The following LRRC37A2 variants were observed in gnomAD, a reference collection of about 807,000 sequenced individuals.
LRRC37A2 encodes leucine-rich repeat-containing protein 37A2.
A neutral mutation model predicts 68.8 loss-of-function variants in LRRC37A2; 9 were observed. The ratio of observed to expected loss-of-function variants is 0.13; its 90% CI spans 0.08 to 0.23. The LOEUF is 0.23. Ranked by LOEUF, LRRC37A2 falls within the 10% of genes least tolerant of loss-of-function variation. The pLI is 1.00. For synonymous variants in LRRC37A2, 63 were observed against 367.6 expected, an observed-to-expected ratio of 0.17 and a Z score of 9.48; for missense variants, 168 against 950.4, an observed-to-expected ratio of 0.18 and a Z score of 10.82.
the LRRC37A2 span, among the ~76,000 whole-genome samples, chr17:46,976,278 A>G: frequency 6.8e-6 from 1 of 147,858 alleles, no homozygotes; most frequent in African/African-American, 2.5e-5. Context: ...GACACATGTA[A>G]TCCCAGCACT....
the LRRC37A2 span, among the ~76,000 whole-genome samples, chr17:46,977,072 C>G: frequency 6.6e-6 from 1 of 152,306 alleles, no homozygotes; most frequent in Admixed American, 6.5e-5. Flanking sequence ...TCTGACCACA[C>G]AGGAGCACTT....
chr17:46,923,129 G>A, the LRRC37A2 span: 1 of 1,142,656 alleles, frequency 8.8e-7, no homozygotes, highest in East Asian at 2.6e-5. Context: ...AAACCGGAAG[G>A]GGGGCTGTGA....
chr17:46,925,278 A>G, the LRRC37A2 span, among the ~76,000 whole-genome samples: 1 of 152,244 alleles, frequency 6.6e-6, no homozygotes, highest in South Asian at 2.1e-4. Flanking sequence ...TTTATTTATC[A>G]AAACAAGCAG....
At chr17:46,810,951 C>T in the LRRC37A2 span, among the ~76,000 whole-genome samples, 1 of 152,142 alleles carries the variant, frequency 6.6e-6, no homozygotes, top group Non-Finnish European at 1.5e-5. Context: ...CCCGCTCTGG[C>T]ATCTCCTTCA....
At chr17:47,044,590 A>T in the LRRC37A2 span, among the ~76,000 whole-genome samples, 2 of 151,770 alleles carry the variant, frequency 1.3e-5, no homozygotes, top group South Asian at 4.2e-4. Context: ...CAAATGTGGC[A>T]AAGTATTAGC....
chr17:46,748,298 A>G, the LRRC37A2 span, among the ~76,000 whole-genome samples: 2 of 151,960 alleles, frequency 1.3e-5, no homozygotes, highest in Admixed American at 6.6e-5. Context: ...TTTAGTAGAG[A>G]TGGGGTTTCG....
the LRRC37A2 span, among the ~76,000 whole-genome samples, chr17:46,801,266 G>A: frequency 3.9e-5 from 6 of 152,186 alleles, no homozygotes; most frequent in Non-Finnish European, 7.3e-5. Context: ...GCCAGGCTGA[G>A]GAGTATACAA....
At chr17:46,957,422 G>C in the LRRC37A2 span, among the ~76,000 whole-genome samples, 1 of 152,172 alleles carries the variant, frequency 6.6e-6, no homozygotes, top group African/African-American at 2.4e-5. Context: ...AGACCAGCCT[G>C]GCCAACATGG....
chr17:47,028,725 T>C, the LRRC37A2 span, among the ~76,000 whole-genome samples: 4 of 151,696 alleles, frequency 2.6e-5, no homozygotes, highest in African/African-American at 9.7e-5. Context: ...CTGGCCAACA[T>C]AGTGAAACCC....
the LRRC37A2 span, among the ~76,000 whole-genome samples, chr17:46,694,136 G>C: frequency 7.5e-6 from 1 of 133,434 alleles, no homozygotes; most frequent in Non-Finnish European, 1.5e-5. Flanking sequence ...TGTAATCCCA[G>C]CACTTTGGGA....
chr17:46,725,190 A>G, the LRRC37A2 span, among the ~76,000 whole-genome samples: 2 of 152,234 alleles, frequency 1.3e-5, no homozygotes, highest in East Asian at 1.9e-4. Flanking sequence ...GCAAGATGGA[A>G]TTGGAACTTG....
At chr17:46,947,013 G>A in the LRRC37A2 span, among the ~76,000 whole-genome samples, 3 of 152,210 alleles carry the variant, frequency 2.0e-5, no homozygotes, top group South Asian at 2.1e-4. Flanking sequence ...ACGGGGGCCA[G>A]ATTCACAGGG....
the LRRC37A2 span, chr17:46,755,217 G>A: frequency 1.2e-6 from 1 of 853,208 alleles, no homozygotes; most frequent in Admixed American, 1.8e-5. Context: ...GCAGAGCATT[G>A]ATGAAGTGTG....
At chr17:46,413,513 C>CAT in the LRRC37A2 span, among the ~76,000 whole-genome samples, 1 of 24,750 alleles carries the variant, frequency 4.0e-5, no homozygotes, top group African/African-American at 5.9e-5. Context: ...CACACACACA[C>CAT]ACACACACAT....
chr17:46,947,948 T>C, the LRRC37A2 span, among the ~76,000 whole-genome samples: 1 of 152,202 alleles, frequency 6.6e-6, no homozygotes, highest in Non-Finnish European at 1.5e-5. Flanking sequence ...TTTCGTGTTT[T>C]TACTAGAGAC....
chr17:46,976,478 C>T, the LRRC37A2 span, among the ~76,000 whole-genome samples: 1 of 151,916 alleles, frequency 6.6e-6, no homozygotes, highest in South Asian at 2.1e-4. Flanking sequence ...ACCTGGGAGG[C>T]AGGGGTTTCA....
the LRRC37A2 span, among the ~76,000 whole-genome samples, chr17:46,863,299 G>A: frequency 6.6e-6 from 1 of 152,344 alleles, no homozygotes; most frequent in Admixed American, 6.5e-5. Flanking sequence ...TGCACTCCTT[G>A]CGTGGGGTTA....
At chr17:46,867,158 T>C in the LRRC37A2 span, among the ~76,000 whole-genome samples, 1 of 152,246 alleles carries the variant, frequency 6.6e-6, no homozygotes, top group Non-Finnish European at 1.5e-5. Flanking sequence ...GGAGGACTCC[T>C]GAGTCCAACC....
the LRRC37A2 span, among the ~76,000 whole-genome samples, chr17:46,957,430 T>C: frequency 6.6e-6 from 1 of 152,046 alleles, no homozygotes; most frequent in South Asian, 2.1e-4. Flanking sequence ...CTGGCCAACA[T>C]GGTGAAACCC....
Sources: gnomAD v4.1 joint callset for allele counts (sites outside exome capture counted in the v4.1 genomes callset) on GRCh38, gnomAD v4.1.1 for gene constraint, MANE v1.5 for transcripts, NCBI Gene and HGNC (gene_info 2026-07-23, HGNC 2026-07-21) for gene names.